MSN: variants seen among roughly 807,000 people sequenced by gnomAD.
MSN encodes the protein moesin, also known as epididymis luminal protein 70.
Under a neutral mutation model 48.0 loss-of-function variants are expected in MSN, and 2 were observed. The ratio of observed to expected loss-of-function variants is 0.04; its 90% CI spans 0.02 to 0.13. The LOEUF is 0.13. Ranked by LOEUF, MSN falls within the 10% of genes least tolerant of loss-of-function variation. The pLI is 1.00. For missense variants in MSN, 267 were observed against 470.1 expected (o/e 0.57, Z 3.99); for synonymous variants, 146 against 166.9 (o/e 0.87, Z 0.97).
intron 1 of MSN, among the ~76,000 whole-genome samples, chrX:65,600,950 G>A (rs1250534621): frequency 1.8e-5 from 2 of 111,611 alleles, no homozygotes; most frequent in East Asian, 5.6e-4. Context: ...CTCAAGAGCC[G>A]TCAGCTCTAC....
At chrX:65,617,332 G>GT (rs2070384066) in intron 1 of MSN, among the ~76,000 whole-genome samples, 1 of 110,632 alleles carries the variant, frequency 9.0e-6, no homozygotes, top group Non-Finnish European at 1.9e-5. Flanking sequence ...AATCCATCTG[G>GT]TCCTGGACTT....
chrX:65,589,077 T>G (rs758245769), intron 1 of MSN: 2 of 130,043 alleles, frequency 1.5e-5, no homozygotes, highest in African/African-American at 6.5e-5. Flanking sequence ...AGGTACCTCC[T>G]ACTCCCTGTG....
chrX:65,636,163 G>T lies in MSN; in HGVS notation c.-22+47551G>T, dbSNP rs181412005. The stretch of plus-strand genomic sequence containing the variant: ...GGACAGATAAACCTATCATATTTTC[G>T]GGTGGGGTGCAGGGGAGAGGCAGCC... On this transcript the variant is annotated intron_variant, in intron 1 of 3. Coordinates refer to the MSN transcript ENST00000609672. Among the ~76,000 whole-genome samples, 6 of 111,093 alleles carry T rather than the reference G, an allele frequency of 5.4e-5. No individual in the cohort carries two copies. The East Asian group carries it at 1.7e-3, about 31-fold the overall frequency.
intron 1 of MSN, among the ~76,000 whole-genome samples, chrX:65,669,260 A>G (rs761994751): frequency 7.2e-5 from 8 of 111,021 alleles, no homozygotes; most frequent in Non-Finnish European, 1.1e-4. Context: ...ATTGTCTGCC[A>G]AAACAAGATT....
chrX:65,702,691 A>G (rs753713517), intron 1 of MSN, among the ~76,000 whole-genome samples: 28 of 110,920 alleles, frequency 2.5e-4, no homozygotes, highest in Non-Finnish European at 4.5e-4. Flanking sequence ...AAACAAAACA[A>G]AAACAGTTTG....
At chrX:65,590,576 G>A (rs1363119862) in intron 1 of MSN, among the ~76,000 whole-genome samples, 4 of 111,263 alleles carry the variant, frequency 3.6e-5, no homozygotes, top group Non-Finnish European at 5.7e-5. Context: ...ATAGACTTCC[G>A]GCACAATTTG....
At chrX:65,669,401 C>A (rs2070908362) in intron 1 of MSN, among the ~76,000 whole-genome samples, 1 of 111,579 alleles carries the variant, frequency 9.0e-6, no homozygotes, top group Non-Finnish European at 1.9e-5. Flanking sequence ...GGTCTTTCTT[C>A]TGTAGTGGCA....
At chrX:65,714,706 A>C (rs2071446302) in intron 1 of MSN, among the ~76,000 whole-genome samples, 1 of 110,957 alleles carries the variant, frequency 9.0e-6, no homozygotes, top group Non-Finnish European at 1.9e-5. Context: ...TAGATGCTGG[A>C]TATTAGACCT....
chrX:65,605,621 T>C (rs2070272388), intron 1 of MSN, among the ~76,000 whole-genome samples: 1 of 112,221 alleles, frequency 8.9e-6, no homozygotes, highest in African/African-American at 3.2e-5. Context: ...TTTTTTGCTA[T>C]AGCCCAAAAG....
intron 9 of MSN, 38 bp downstream of exon 9, chrX:65,736,963 A>G: frequency 8.3e-7 from 1 of 1,206,514 alleles, no homozygotes; most frequent in Non-Finnish European, 1.1e-6. Flanking sequence ...GGATTTTTCC[A>G]GGCCTAACTC....
chrX:65,706,452 G>A (rs759430142), intron 1 of MSN, among the ~76,000 whole-genome samples: 119 of 111,847 alleles, frequency 1.1e-3, no homozygotes, highest in Non-Finnish European at 2.0e-3. Context: ...TGAAAGCCCA[G>A]CAGGGGTGGC....
chrX:65,724,873 G>A (rs2071553029), intron 2 of MSN, among the ~76,000 whole-genome samples: 1 of 110,489 alleles, frequency 9.1e-6, no homozygotes, highest in Admixed American at 9.7e-5. Context: ...ATTTTTAGTA[G>A]AGACCAGGTT....
intron 1 of MSN, chrX:65,600,685 G>A (rs777377309): frequency 1.4e-4 from 16 of 111,612 alleles, no homozygotes; most frequent in African/African-American, 5.2e-4. Flanking sequence ...AATGAGAAGC[G>A]GAACTGGGAA....
At chrX:65,728,350 G>A (rs1214011003) in intron 3 of MSN, among the ~76,000 whole-genome samples, 1 of 111,481 alleles carries the variant, frequency 9.0e-6, no homozygotes, top group African/African-American at 3.3e-5. Flanking sequence ...CTGGAGTGCA[G>A]TGGTGCCATC....
intron 1 of MSN, among the ~76,000 whole-genome samples, chrX:65,707,618 A>G (rs779928252): frequency 1.9e-4 from 21 of 111,841 alleles, no homozygotes; most frequent in African/African-American, 6.5e-4. Context: ...CTGGCTGGGA[A>G]TTTTCTGCCA....
At chrX:65,731,307 C>T (rs891957094) in intron 5 of MSN, 117 bp downstream of exon 5, 3 of 623,970 alleles carry the variant, frequency 4.8e-6, no homozygotes, top group Non-Finnish European at 7.5e-6. Flanking sequence ...AAAGAGGGAA[C>T]AGGGACGATA....
chrX:65,686,692 G>A (rs1286931736), intron 1 of MSN, among the ~76,000 whole-genome samples: 5 of 111,960 alleles, frequency 4.5e-5, no homozygotes, highest in Non-Finnish European at 9.4e-5. Flanking sequence ...TAACCTCCCT[G>A]AGCCTCCACT....
At chrX:65,627,381 T>A (rs1029651897) in intron 1 of MSN, among the ~76,000 whole-genome samples, 2 of 109,319 alleles carry the variant, frequency 1.8e-5, no homozygotes, top group South Asian at 7.7e-4. Context: ...GGACTTACAA[T>A]TCCACATGGC....
At chrX:65,606,161 C>T (rs1208331230) in intron 1 of MSN, among the ~76,000 whole-genome samples, 4 of 103,794 alleles carry the variant, frequency 3.9e-5, no homozygotes, top group South Asian at 8.8e-4. Flanking sequence ...GACAGAGTCT[C>T]GCTCTGTCAC....
Sources: gnomAD v4.1 joint callset for allele counts (sites outside exome capture counted in the v4.1 genomes callset) on GRCh38, gnomAD v4.1.1 for gene constraint, MANE v1.5 for transcripts, NCBI Gene and HGNC (gene_info 2026-07-23, HGNC 2026-07-21) for gene names.